Variants in XPO6 observed in about 807,000 individuals in gnomAD.
The protein encoded by XPO6 is exportin 6.
Under a neutral mutation model 130.0 loss-of-function variants are expected in XPO6, and 3 were observed. That is an observed-to-expected ratio of 0.02 (90% CI 0.01 to 0.06). The LOEUF is 0.06. Ranked by LOEUF, XPO6 falls within the 10% of genes least tolerant of loss-of-function variation. The pLI is 1.00. For missense variants in XPO6, 970 were observed against 1,393.0 expected (o/e 0.70, Z 4.83); for synonymous variants, 524 against 548.9 (o/e 0.95, Z 0.63).
intron 14 of XPO6, among the ~76,000 whole-genome samples, chr16:28,118,161 T>C (rs1369403023): frequency 1.3e-5 from 2 of 152,232 alleles, no homozygotes; most frequent in Non-Finnish European, 2.9e-5. Context: ...AAGGTGGTAC[T>C]ACTATGAGGT....
chr16:28,130,235 T>C (rs1376040713), intron 12 of XPO6, among the ~76,000 whole-genome samples: 3 of 152,218 alleles, frequency 2.0e-5, no homozygotes, highest in Non-Finnish European at 4.4e-5. Context: ...GTGCATCCCA[T>C]TGTCATACAC....
intron 6 of XPO6, among the ~76,000 whole-genome samples, chr16:28,159,735 C>T (rs1411222032): frequency 3.3e-5 from 5 of 151,994 alleles, no homozygotes; most frequent in African/African-American, 4.8e-5. Context: ...AACATGGTGG[C>T]GGGGGGAGGT....
At chr16:28,165,254 G>GA (rs1292897375) in intron 6 of XPO6, 2 of 152,026 alleles carry the variant, frequency 1.3e-5, no homozygotes, top group Non-Finnish European at 2.9e-5. Flanking sequence ...GAATTTAAAC[G>GA]AAAAAACAAA....
At chr16:28,113,117 G>A (rs190203270) in intron 15 of XPO6, 67 bp from the exon 16 acceptor site, 2 of 1,554,360 alleles carry the variant, frequency 1.3e-6, no homozygotes, top group African/African-American at 1.4e-5. Context: ...ACTTTGCTGA[G>A]GCAGCCACAA....
In XPO6 at chr16:28,181,005, T is replaced by C. The variant is rs1449925780; in HGVS notation, c.30A>G (p.Ala10=). The change falls in exon 2 of 24, where the codon GCA becomes GCG. Residue 10 remains alanine (A), a synonymous_variant. Coordinates refer to ENST00000304658, the MANE Select transcript of XPO6 (RefSeq NM_015171.4). MASEEASLR[A]LESLMTEFFH... is the part of the protein sequence containing the mutation. ...AAAATTCTGTCATCAGACTTTCCAA[T>C]GCCCTGAGAGAGGCTTCTTCAGATG... The C allele has an allele frequency of 2.5e-6, 4 of 1,613,364 alleles. No homozygotes were observed. The highest frequency in any genetic ancestry group is 3.4e-6 in the Non-Finnish European group (4 of 1,179,806).
Position 28,180,975 on chromosome 16 carries a change from G to A in XPO6, c.60C>T (p.His20=), listed in dbSNP as rs753872545. Residue 20 remains histidine (H), a synonymous_variant, in exon 2 of 24, where the codon CAC becomes CAT. Transcript: ENST00000304658. ...GTTTTCTTTCATTGGTTGTACAATC[G>A]TGAAAAAATTCTGTCATCAGACTTT... is the stretch of plus-strand genomic sequence containing the variant. ...ALESLMTEFF[H]DCTTNERKRE... The A allele has an allele frequency of 6.0e-5, 96 of 1,613,168 alleles. 2 individuals carry two copies. In the Middle Eastern group the frequency reaches 4.3e-3, roughly 72 times the overall value.
chr16:28,191,601 A>C (rs1013609476), intron 1 of XPO6, among the ~76,000 whole-genome samples: 5 of 152,234 alleles, frequency 3.3e-5, no homozygotes, highest in Non-Finnish European at 7.3e-5. Context: ...AAGCTGAGAG[A>C]GAGCATCCTC....
rs1329356024 is a variant in XPO6 at position 28,106,888 on chromosome 16, C to G, written c.2498-391G>C. On this transcript the variant is annotated intron_variant, in intron 18 of 23. Coordinates refer to ENST00000304658, the MANE Select transcript of XPO6 (RefSeq NM_015171.4). The surrounding 1 kb of genome is among the most constrained non-coding windows in gnomAD (Gnocchi z 4.2). ...CCCCTATGACTAATAATCCCTGCAG[C>G]TGGGTCAGGGGTTAAGTGGTTGAAA... Among the ~76,000 whole-genome samples the G allele has an allele frequency of 6.6e-6, 1 of 152,162 alleles. No homozygotes were observed. The highest frequency in any genetic ancestry group is 2.4e-5 in the African/African-American group (1 of 41,438).
intron 17 of XPO6, among the ~76,000 whole-genome samples, chr16:28,109,886 T>C (rs2086876444): frequency 6.6e-6 from 1 of 152,230 alleles, no homozygotes; most frequent in Non-Finnish European, 1.5e-5. Context: ...TAGTCAGAGA[T>C]GAAGTGTCAA....
chr16:28,166,000 G>A (rs541535587), intron 6 of XPO6, among the ~76,000 whole-genome samples: 57 of 152,180 alleles, frequency 3.7e-4, no homozygotes, highest in South Asian at 1.9e-3. Context: ...AATATGCCCC[G>A]CTTTACCAAA....
intron 17 of XPO6, among the ~76,000 whole-genome samples, chr16:28,109,764 CA>C (rs992830204): frequency 6.6e-6 from 1 of 151,922 alleles, no homozygotes; most frequent in African/African-American, 2.4e-5. Context: ...TTTTTAAAAG[CA>C]AAAAAGAACA....
Position 28,104,580 on chromosome 16 carries a change from A to G in XPO6, c.2912T>C (p.Met971Thr). The G allele has an allele frequency of 6.2e-7, 1 of 1,614,130 alleles. No homozygotes were observed. The highest frequency in any genetic ancestry group is 8.5e-7 in the Non-Finnish European group (1 of 1,180,014). The change falls in exon 21 of 24, where the codon ATG becomes ACG. Residue 971 changes from methionine (M) to threonine (T), a missense_variant. Physicochemically the swap from Met to Thr is moderately conservative, Grantham distance 81. Transcript: ENST00000304658. ...SVQRGIAEEQ[M>T]ENEPQFSAIM... ...GGCACTGAACTGGGGCTCATTCTCCATCTGCTCCTCAGCGATCCCCCTCTG... is the reference window on the plus strand; with the variant it reads ...GGCACTGAACTGGGGCTCATTCTCCGTCTGCTCCTCAGCGATCCCCCTCTG...
chr16:28,169,304 T>C (rs999370456), intron 5 of XPO6, among the ~76,000 whole-genome samples: 7 of 152,224 alleles, frequency 4.6e-5, no homozygotes, highest in Admixed American at 1.3e-4. Flanking sequence ...AAATGCTACA[T>C]ACAACTACAA....
intron 8 of XPO6, among the ~76,000 whole-genome samples, chr16:28,148,145 G>T (rs1567621887): frequency 6.6e-6 from 1 of 152,160 alleles, no homozygotes; most frequent in South Asian, 2.1e-4. Flanking sequence ...AAGTGCCTTT[G>T]GGAAAGGTTA....
chr16:28,184,181 G>A (rs1220869403), intron 1 of XPO6, among the ~76,000 whole-genome samples: 2 of 152,224 alleles, frequency 1.3e-5, no homozygotes, highest in Non-Finnish European at 2.9e-5. Context: ...GTGGTAGGGA[G>A]ACAAGGCTTC....
intron 6 of XPO6, among the ~76,000 whole-genome samples, chr16:28,162,544 G>A (rs2043293450): frequency 6.6e-6 from 1 of 151,950 alleles, no homozygotes; most frequent in Non-Finnish European, 1.5e-5. Context: ...ATGAAGACAT[G>A]GTTGGCATAT....
In XPO6 at chr16:28,211,782, C is replaced by T. The variant is rs1383838268; in HGVS notation, c.-414G>A. The T allele has an allele frequency of 1.1e-5, 3 of 284,184 alleles. No homozygotes were observed. The highest frequency in any genetic ancestry group is 2.0e-5 in the Non-Finnish European group (3 of 153,750). The allele number at this position is 284,184 out of a possible 1,614,324, so 17.6% of individuals were successfully genotyped here. ...GCTGAACGGGCGGAGGCTGACAGGC[C>T]TCGACCGCGCGGCCCAGGCGGCCGG... On this transcript the variant is annotated 5_prime_UTR_variant, in exon 1 of 24. Coordinates refer to ENST00000304658, the MANE Select transcript of XPO6 (RefSeq NM_015171.4).
At chr16:28,173,610 C>T (rs1024673019) in intron 4 of XPO6, among the ~76,000 whole-genome samples, 1 of 152,152 alleles carries the variant, frequency 6.6e-6, no homozygotes, top group African/African-American at 2.4e-5. Context: ...AAAAAGAAGA[C>T]TTTACACAAA....
chr16:28,132,462 G>C lies in XPO6; in HGVS notation c.1537-59C>G, dbSNP rs1596841083. The stretch of plus-strand genomic sequence containing the variant: ...TAAGCCATAAATGCAAGTTTTAATA[G>C]CATTTTAACATTACAACATTAACAC... On this transcript the variant is annotated intron_variant, in intron 11 of 23. Coordinates refer to ENST00000304658, the MANE Select transcript of XPO6 (RefSeq NM_015171.4). This position sits in a 1 kb window ranked among gnomAD's most constrained non-coding sequence, Gnocchi z 4.0. 2 of 1,164,446 alleles carry C rather than the reference G, an allele frequency of 1.7e-6. No individual in the cohort carries two copies. The allele number at this position is 1,164,446 out of a possible 1,614,324, so 72.1% of individuals were successfully genotyped here.
Sources: allele counts gnomAD v4.1 joint callset (sites outside exome capture counted in the v4.1 genomes callset), GRCh38; gene constraint gnomAD v4.1.1; non-coding constraint Gnocchi (gnomAD v3.1); transcripts MANE v1.5; gene names NCBI Gene and HGNC (gene_info 2026-07-23, HGNC 2026-07-21).